Variants in NTM observed in about 807,000 individuals in gnomAD.
The protein encoded by NTM is neurotrimin, also known as IgLON family member 2.
Under a neutral mutation model 42.1 loss-of-function variants are expected in NTM, and 13 were observed. The ratio of observed to expected loss-of-function variants is 0.31; its 90% CI spans 0.20 to 0.49. The LOEUF (loss-of-function observed/expected upper bound fraction) is 0.49, where lower values mean the gene tolerates loss of function less well. Ranked by LOEUF, NTM falls within the 20% of genes least tolerant of loss-of-function variation. The probability of loss-of-function intolerance (pLI) is 0.99; values close to 1 mark genes in which losing one functional copy is unlikely to be tolerated. For missense variants in NTM, 373 were observed against 452.8 expected (o/e 0.82, Z 1.60); for synonymous variants, 187 against 179.2 (o/e 1.04, Z -0.35).
intron 2 of NTM, among the ~76,000 whole-genome samples, chr11:131,993,796 T>G (rs1479070804): frequency 1.3e-5 from 2 of 150,862 alleles, no homozygotes; most frequent in Non-Finnish European, 3.0e-5. Context: ...AGGTTAGGAG[T>G]TTGAGACCAG....
At chr11:131,982,362 GA>G (rs2065383808) in intron 2 of NTM, among the ~76,000 whole-genome samples, 1 of 152,150 alleles carries the variant, frequency 6.6e-6, no homozygotes, top group Admixed American at 6.5e-5. Context: ...TAAAGAGAAA[GA>G]AGGGGCAAGA....
intron 2 of NTM, among the ~76,000 whole-genome samples, chr11:132,117,648 C>T (rs1290841781): frequency 6.6e-6 from 1 of 152,212 alleles, no homozygotes; most frequent in African/African-American, 2.4e-5. Flanking sequence ...CCTCTCCATA[C>T]TTCCTGTTGT....
At position 131,481,262 on chromosome 11, in the gene NTM, C is replaced by T. The variant is rs113238151; in HGVS notation, c.82+110374C>T. On this transcript the variant is annotated intron_variant, in intron 1 of 8. Coordinates refer to ENST00000683400, the MANE Select transcript of NTM (RefSeq NM_001352005.2). ...TAGAGATTGAATTAGCCAAAGATATCGAACGCACTTGGAAAAGTCCTAGAA... is the reference window on the plus strand; with the variant it reads ...TAGAGATTGAATTAGCCAAAGATATTGAACGCACTTGGAAAAGTCCTAGAA... 3.3e-3 allele frequency among the ~76,000 whole-genome samples: 505 copies of T among 152,256 alleles called. 2 individuals carry two copies. Among genetic ancestry groups the T allele is most frequent in the African/African-American group, 0.011 (470 of 41,552 alleles).
chr11:131,448,639 A>C (rs555841967), intron 1 of NTM, among the ~76,000 whole-genome samples: 2 of 152,342 alleles, frequency 1.3e-5, no homozygotes, highest in East Asian at 3.9e-4. Context: ...CATGGAAGGA[A>C]GAGGCTACCT....
intron 2 of NTM, among the ~76,000 whole-genome samples, chr11:132,134,785 T>A (rs1453581692): frequency 7.3e-6 from 1 of 137,636 alleles, no homozygotes; most frequent in Non-Finnish European, 1.6e-5. Context: ...ATCTATTCAT[T>A]GATTGACAGG....
Position 131,502,171 on chromosome 11 carries a change from C to G in NTM, c.82+131283C>G, listed in dbSNP as rs113976945. ...ACATTCCCATGTTGAAATCCTCACC[C>G]CCCAGAGGATGGAGTTTGGAGGTGT... On this transcript the variant is annotated intron_variant, in intron 1 of 8. Transcript: ENST00000683400. Among the ~76,000 whole-genome samples the G allele has an allele frequency of 4.5e-4, 68 of 152,106 alleles. 1 individual carries two copies. Among genetic ancestry groups the G allele is most frequent in the African/African-American group, 1.6e-3 (67 of 41,490 alleles).
chr11:131,500,552 T>TAA (rs1353089886), intron 1 of NTM, among the ~76,000 whole-genome samples: 1 of 68,572 alleles, frequency 1.5e-5, no homozygotes, highest in Non-Finnish European at 2.4e-5. Flanking sequence ...TATATATATA[T>TAA]ATATATATAT....
chr11:132,120,619 T>C (rs2064640075), intron 2 of NTM, among the ~76,000 whole-genome samples: 1 of 152,234 alleles, frequency 6.6e-6, no homozygotes, highest in African/African-American at 2.4e-5. Flanking sequence ...ATCATCTATG[T>C]TGCTGGCTCC....
At chr11:131,698,766 A>G (rs2075757360) in intron 1 of NTM, among the ~76,000 whole-genome samples, 1 of 152,190 alleles carries the variant, frequency 6.6e-6, no homozygotes, top group Admixed American at 6.5e-5. Flanking sequence ...TGTTAGGAGT[A>G]TTCTTCTCAT....
intron 2 of NTM, among the ~76,000 whole-genome samples, chr11:131,926,000 G>A (rs895566746): frequency 2.6e-5 from 4 of 152,186 alleles, no homozygotes; most frequent in Non-Finnish European, 4.4e-5. Context: ...TGTTGCTTCA[G>A]TAGTGCCTAC....
intron 1 of NTM, among the ~76,000 whole-genome samples, chr11:131,706,832 A>G (rs2076640372): frequency 6.6e-6 from 1 of 152,022 alleles, no homozygotes; most frequent in South Asian, 2.1e-4. Flanking sequence ...ATGCAGCAAG[A>G]GTAATCTTTT....
At chr11:131,520,966 T>G (rs1458533226) in intron 1 of NTM, among the ~76,000 whole-genome samples, 1 of 152,050 alleles carries the variant, frequency 6.6e-6, no homozygotes, top group Non-Finnish European at 1.5e-5. Context: ...CCGATCATGA[T>G]GGAAGGGGAA....
intron 1 of NTM, chr11:131,503,001 C>G (rs934155850): frequency 1.3e-5 from 2 of 152,302 alleles, no homozygotes; most frequent in African/African-American, 4.8e-5. Flanking sequence ...GAAGTACAGA[C>G]AGAGGAAACA....
At chr11:132,090,204 A>C (rs974606262) in intron 2 of NTM, among the ~76,000 whole-genome samples, 1 of 152,194 alleles carries the variant, frequency 6.6e-6, no homozygotes, top group African/African-American at 2.4e-5. Flanking sequence ...TGAGCACTTA[A>C]ACCATGGGCT....
At chr11:131,873,575 A>ATATATATACGGTATATATATACG (rs2048052201) in intron 1 of NTM, among the ~76,000 whole-genome samples, 1 of 54,328 alleles carries the variant, frequency 1.8e-5, no homozygotes, top group African/African-American at 5.8e-5. Context: ...ATATATATAC[A>ATATATATACGGTATATATATACG]TATATATATA....
chr11:132,246,527 C>T (rs1339381453), intron 4 of NTM, among the ~76,000 whole-genome samples: 1 of 152,228 alleles, frequency 6.6e-6, no homozygotes, highest in African/African-American at 2.4e-5. Context: ...GTGCACTCTC[C>T]CCCTCCTCCA....
intron 4 of NTM, among the ~76,000 whole-genome samples, chr11:132,254,548 C>T (rs756796558): frequency 6.6e-6 from 1 of 152,010 alleles, no homozygotes; most frequent in African/African-American, 2.4e-5. Context: ...TCCCATCTAC[C>T]GCTGGCCTTC....
At chr11:131,831,015 A>T (rs898341487) in intron 1 of NTM, among the ~76,000 whole-genome samples, 1 of 152,188 alleles carries the variant, frequency 6.6e-6, no homozygotes, top group Non-Finnish European at 1.5e-5. Flanking sequence ...ATTTTTGTAC[A>T]TGGATTCCGA....
chr11:132,187,733 G>T (rs916227204), intron 3 of NTM, among the ~76,000 whole-genome samples: 6 of 152,152 alleles, frequency 3.9e-5, no homozygotes, highest in Admixed American at 1.3e-4. Context: ...GTGCTTCTGA[G>T]ACCACATCTG....
Sources: gnomAD v4.1 joint callset for allele counts (sites outside exome capture counted in the v4.1 genomes callset) on GRCh38, gnomAD v4.1.1 for gene constraint, MANE v1.5 for transcripts, NCBI Gene and HGNC (gene_info 2026-07-23, HGNC 2026-07-21) for gene names.